The following GCC2 variants were observed in gnomAD, a reference collection of about 807,000 sequenced individuals.
GCC2 encodes the protein GRIP and coiled-coil domain-containing protein 2.
In GCC2, 120 loss-of-function variants were observed where a neutral mutation model predicts 210.6. The ratio of observed to expected loss-of-function variants is 0.57; its 90% CI spans 0.49 to 0.66. The LOEUF is 0.66. Among genes scored for constraint, GCC2 ranks in the 30% least tolerant of loss-of-function variants. The pLI is 0.00. For synonymous variants in GCC2, 703 were observed against 652.7 expected (o/e 1.08, Z -1.17); for missense variants, 1,868 against 1,871.9 (o/e 1.00, Z 0.04).
intron 18 of GCC2, among the ~76,000 whole-genome samples, chr2:108,490,381 A>T (rs566968138): frequency 6.6e-6 from 1 of 152,236 alleles, no homozygotes; most frequent in Admixed American, 6.5e-5. Context: ...CTGAAAAAGA[A>T]TATGCAAGTT....
intron 17 of GCC2, among the ~76,000 whole-genome samples, chr2:108,489,527 A>G (rs1682306143): frequency 6.6e-6 from 1 of 152,000 alleles, no homozygotes; most frequent in Admixed American, 6.6e-5. Flanking sequence ...AAAAAAAAAA[A>G]TAGTGTGAGG....
intron 9 of GCC2, among the ~76,000 whole-genome samples, chr2:108,479,662 C>T (rs1010610531): frequency 2.3e-4 from 34 of 150,688 alleles, no homozygotes; most frequent in African/African-American, 7.3e-4. Flanking sequence ...TTCGCAAGCA[C>T]GATCCAAAAG....
At chr2:108,464,163 G>C (rs562712874) in intron 4 of GCC2, among the ~76,000 whole-genome samples, 1 of 152,114 alleles carries the variant, frequency 6.6e-6, no homozygotes, top group South Asian at 2.1e-4. Context: ...GTGTCGCTGC[G>C]ACTAAGGAGA....
chr2:108,491,091 C>CT (rs1353683811), intron 18 of GCC2, among the ~76,000 whole-genome samples: 1 of 151,442 alleles, frequency 6.6e-6, no homozygotes, highest in Non-Finnish European at 1.5e-5. Context: ...AATATTCATA[C>CT]TTTATCTATA....
chr2:108,489,803 TCAAAAAA>T, intron 17 of GCC2, 28 bp from the exon 18 acceptor site: 1 of 1,495,172 alleles, frequency 6.7e-7, no homozygotes, highest in Non-Finnish European at 9.0e-7. Context: ...TTCACCTTTT[TCAAAAAA>T]TTTTAAAACT....
At chr2:108,452,661 C>T (rs1484488018) in intron 4 of GCC2, among the ~76,000 whole-genome samples, 195 bp downstream of exon 4, 1 of 149,744 alleles carries the variant, frequency 6.7e-6, no homozygotes, top group Non-Finnish European at 1.5e-5. Context: ...TATTATTCTA[C>T]TCTCTTCCCA....
chr2:108,485,878 G>A lies in GCC2; in HGVS notation c.3762G>A (p.Glu1254=). The part of the protein sequence containing the change: ...ILQASLKGEL[E]ASQQQVEVYK... ...AAGCATCTTTAAAAGGTGAGCTGGA[G>A]GCAAGCCAGCAGCAAGTAGAAGTCT... Residue 1254 remains glutamate (E), a synonymous_variant, in exon 15 of 23, where the codon GAG becomes GAA. Transcript: ENST00000309863. 1 of 1,587,960 alleles carries A rather than the reference G, an allele frequency of 6.3e-7. No individual in the cohort carries two copies. The highest frequency in any genetic ancestry group is 8.6e-7 in the Non-Finnish European group (1 of 1,164,560).
Position 108,481,711 on chromosome 2 carries a change from A to G in GCC2, c.3075A>G (p.Glu1025=). 1 of 1,592,934 alleles carries G rather than the reference A, an allele frequency of 6.3e-7. No homozygotes were observed. Among genetic ancestry groups the G allele is most frequent in the South Asian group, 1.1e-5 (1 of 86,996 alleles). ...TTTTATTGAAGAATCTTTTATTAGA[A>G]TATGAAAAGCAGTCAGAGCAACTGG... The part of the protein sequence containing the change: ...GAESYKNLLL[E]YEKQSEQLDV... The change falls in exon 10 of 23, where the codon GAA becomes GAG. Residue 1025 remains glutamate, a synonymous_variant. Coordinates refer to ENST00000309863, the MANE Select transcript of GCC2 (RefSeq NM_181453.4).
chr2:108,464,004 T>C (rs930476941), intron 4 of GCC2, among the ~76,000 whole-genome samples: 1 of 151,842 alleles, frequency 6.6e-6, no homozygotes, highest in Non-Finnish European at 1.5e-5. Context: ...TGGACATTGC[T>C]CTCAGGTACT....
intron 22 of GCC2, among the ~76,000 whole-genome samples, chr2:108,500,548 G>GT (rs1457435843): frequency 7.9e-5 from 12 of 152,154 alleles, no homozygotes; most frequent in Non-Finnish European, 1.8e-4. Flanking sequence ...CTATGATGTA[G>GT]TTAGAGTTGG....
chr2:108,504,789 T>G (rs147787271), intron 22 of GCC2, among the ~76,000 whole-genome samples: 1,552 of 152,250 alleles, frequency 0.01, 15 homozygotes, highest in Non-Finnish European at 0.013. Flanking sequence ...TCCCAGACTG[T>G]GTTACAGTTT....
Position 108,450,237 on chromosome 2 carries a change from G to C in GCC2, c.63+548G>C, listed in dbSNP as rs116144178. On this transcript the variant is annotated intron_variant, in intron 2 of 22. Coordinates refer to ENST00000309863, the MANE Select transcript of GCC2 (RefSeq NM_181453.4). ...CTGTTGTTACCCTCCTTTTACAGAT[G>C]AGAAACCTGAGACCACAGGCTTAAG... Among the ~76,000 whole-genome samples the C allele has an allele frequency of 8.0e-3, 1,221 of 152,310 alleles. 11 individuals are homozygous for C. The highest frequency in any genetic ancestry group is 0.013 in the Non-Finnish European group (918 of 68,026).
At chr2:108,476,397 T>C (rs1230214455) in intron 9 of GCC2, among the ~76,000 whole-genome samples, 2 of 152,098 alleles carry the variant, frequency 1.3e-5, no homozygotes, top group Non-Finnish European at 2.9e-5. Flanking sequence ...AAAGTAAAAT[T>C]TTGTTTTGGG....
At chr2:108,459,342 A>G (rs1342748759) in intron 4 of GCC2, among the ~76,000 whole-genome samples, 1 of 152,190 alleles carries the variant, frequency 6.6e-6, no homozygotes, top group Non-Finnish European at 1.5e-5. Context: ...GTTCGAGAAC[A>G]TACTTGATAT....
chr2:108,475,706 T>TAA (rs751521940), intron 8 of GCC2, 46 bp from the exon 9 acceptor site: 19 of 1,397,098 alleles, frequency 1.4e-5, no homozygotes, highest in East Asian at 2.4e-5. Flanking sequence ...TTCTATCCAT[T>TAA]AAAAAAAAAC....
chr2:108,459,393 C>T (rs1680435639), intron 4 of GCC2, among the ~76,000 whole-genome samples: 1 of 152,130 alleles, frequency 6.6e-6, no homozygotes. Flanking sequence ...GATTTTGTGG[C>T]CTAACATATG....
Position 108,501,417 on chromosome 2 carries a change from A to G in GCC2, c.4984+1663A>G, listed in dbSNP as rs374574902. Among the ~76,000 whole-genome samples the G allele has an allele frequency of 1.5e-3, 230 of 151,920 alleles. 2 individuals are homozygous for G. The highest frequency in any genetic ancestry group is 3.4e-3 in the Middle Eastern group (1 of 294). ...TTTAATCATTACAGGGTAACACTGA[A>G]CTTGTTCTAATTGCCTATAAATAGG... is the stretch of plus-strand genomic sequence containing the variant. On this transcript the variant is annotated intron_variant, in intron 22 of 22. Transcript: ENST00000309863.
chr2:108,451,406 A>G (rs1388655177), intron 3 of GCC2, among the ~76,000 whole-genome samples: 1 of 152,156 alleles, frequency 6.6e-6, no homozygotes, highest in African/African-American at 2.4e-5. Flanking sequence ...GATTCTTCTG[A>G]GTTCTGAGTA....
intron 22 of GCC2, 27 bp from the exon 23 acceptor site, chr2:108,507,533 T>G: frequency 1.0e-5 from 10 of 983,676 alleles, no homozygotes; most frequent in Non-Finnish European, 1.4e-5. Flanking sequence ...TTTATTTTTC[T>G]TTTTTTTTTT....
Sources: gnomAD v4.1 joint callset for allele counts (sites outside exome capture counted in the v4.1 genomes callset) on GRCh38, gnomAD v4.1.1 for gene constraint, MANE v1.5 for transcripts, NCBI Gene and HGNC (gene_info 2026-07-23, HGNC 2026-07-21) for gene names.